Variants in GIPC2 observed in about 807,000 individuals in gnomAD.
GIPC2 encodes the protein PDZ domain-containing protein GIPC2.
In GIPC2, 30 loss-of-function variants were observed where a neutral mutation model predicts 30.6. The ratio of observed to expected loss-of-function variants is 0.98; its 90% confidence interval spans 0.73 to 1.33. The LOEUF (loss-of-function observed/expected upper bound fraction) is 1.33. Among genes scored for constraint, GIPC2 ranks in the 40% most tolerant of loss-of-function variants. The pLI is 0.00. For missense variants in GIPC2, 414 were observed against 390.3 expected, an observed-to-expected ratio of 1.06 and a Z score of -0.51; for synonymous variants, 167 against 150.0, an observed-to-expected ratio of 1.11 and a Z score of -0.83.
At chr1:78,064,608 A>G (rs1661467021) in intron 1 of GIPC2, among the ~76,000 whole-genome samples, 1 of 152,152 alleles carries the variant, frequency 6.6e-6, no homozygotes, top group African/African-American at 2.4e-5. Context: ...AAGAGGGCGA[A>G]CAAGGAGAAA....
At chr1:78,130,270 T>A (rs1662868342) in intron 5 of GIPC2, among the ~76,000 whole-genome samples, 1 of 151,920 alleles carries the variant, frequency 6.6e-6, no homozygotes, top group African/African-American at 2.4e-5. Flanking sequence ...GGCCAGCTAA[T>A]TTTTTGTATT....
intron 3 of GIPC2, among the ~76,000 whole-genome samples, chr1:78,098,399 C>T (rs1662178220): frequency 6.6e-6 from 1 of 152,130 alleles, no homozygotes; most frequent in South Asian, 2.1e-4. Context: ...ACAATTTTGA[C>T]TATAATTACC....
intron 4 of GIPC2, among the ~76,000 whole-genome samples, chr1:78,122,676 G>A (rs522952): frequency 0.21 from 32,040 of 152,108 alleles, 3,867 homozygotes; most frequent in East Asian, 0.61. Context: ...CCCTTGACAC[G>A]TGGGGATTGC....
At chr1:78,068,361 T>C (rs1307924466) in intron 1 of GIPC2, among the ~76,000 whole-genome samples, 3 of 152,222 alleles carry the variant, frequency 2.0e-5, no homozygotes, top group African/African-American at 4.8e-5. Context: ...AAGCCCAGGA[T>C]TGGGGCATGT....
At chr1:78,096,321 C>T (rs970092032) in intron 3 of GIPC2, among the ~76,000 whole-genome samples, 1 of 152,162 alleles carries the variant, frequency 6.6e-6, no homozygotes, top group Non-Finnish European at 1.5e-5. Context: ...CCTAACTCCC[C>T]AGATAGCATG....
chr1:78,103,782 AGG>A (rs1395106107), intron 3 of GIPC2, among the ~76,000 whole-genome samples: 1 of 152,234 alleles, frequency 6.6e-6, no homozygotes, highest in Non-Finnish European at 1.5e-5. Context: ...AGAGAGTGAT[AGG>A]GATTGAGAGG....
rs924607097 is a variant in GIPC2 at position 78,114,175 on chromosome 1, C to T, written c.608-5218C>T. 3.3e-5 allele frequency among the ~76,000 whole-genome samples: 5 copies of T among 152,276 alleles called. 1 individual carries two copies. The highest frequency in any genetic ancestry group is 2.0e-4 in the Admixed American group (3 of 15,304). On this transcript the variant is annotated intron_variant, in intron 3 of 5. Coordinates refer to ENST00000370759, the MANE Select transcript of GIPC2 (RefSeq NM_017655.6). ...GTACACTCAACTGGGAGCCCTGGTG[C>T]ATCTAGCGAGTCAGCTAGCTAGCTG...
chr1:78,110,180 TAA>T (rs568123003), intron 3 of GIPC2, among the ~76,000 whole-genome samples: 22 of 135,096 alleles, frequency 1.6e-4, no homozygotes, highest in Admixed American at 2.2e-4. Context: ...AAACTTAAAG[TAA>T]AAAAAAAAAA....
intron 3 of GIPC2, among the ~76,000 whole-genome samples, chr1:78,102,135 T>G (rs1440199713): frequency 6.6e-6 from 1 of 152,214 alleles, no homozygotes; most frequent in African/African-American, 2.4e-5. Context: ...GAAACTTACC[T>G]CCTAAAGCAT....
chr1:78,073,658 G>A (rs898908841), intron 1 of GIPC2, among the ~76,000 whole-genome samples: 1 of 152,148 alleles, frequency 6.6e-6, no homozygotes, highest in African/African-American at 2.4e-5. Flanking sequence ...TTTAAGGAAG[G>A]CATTCAACAA....
chr1:78,074,104 CT>C (rs1661670527), intron 1 of GIPC2, among the ~76,000 whole-genome samples: 1 of 152,186 alleles, frequency 6.6e-6, no homozygotes, highest in Non-Finnish European at 1.5e-5. Context: ...GGAGCAAAAT[CT>C]GATACTTCAG....
intron 5 of GIPC2, among the ~76,000 whole-genome samples, chr1:78,131,269 C>T (rs898760863): frequency 3.3e-5 from 5 of 151,618 alleles, no homozygotes; most frequent in African/African-American, 1.2e-4. Flanking sequence ...TGCAGTGTGG[C>T]GCGATCTCGG....
chr1:78,061,595 G>A (rs1242931394), intron 1 of GIPC2, among the ~76,000 whole-genome samples: 1 of 151,694 alleles, frequency 6.6e-6, no homozygotes, highest in Non-Finnish European at 1.5e-5. Flanking sequence ...CTGCTTCCAG[G>A]GTTCAAGTGA....
At chr1:78,121,910 T>C (rs1475737344) in intron 4 of GIPC2, among the ~76,000 whole-genome samples, 1 of 152,186 alleles carries the variant, frequency 6.6e-6, no homozygotes, top group African/African-American at 2.4e-5. Context: ...CAGGAGAATG[T>C]CAGCTCTGCC....
Position 78,046,221 on chromosome 1 carries a change from GTCT to G in GIPC2, c.130_132del (p.Phe44del). The G allele has an allele frequency of 6.2e-7, 1 of 1,603,032 alleles. No individual in the cohort carries two copies. Among genetic ancestry groups the G allele is most frequent in the Non-Finnish European group, 8.5e-7 (1 of 1,175,872 alleles). Reference sequence around the variant, plus strand: ...GTCCCGGGCTCCCGCACGCAGGCTGGTCTTCCACGCGCAGCTGGCGCACGGTAG... The same window carrying G: ...GTCCCGGGCTCCCGCACGCAGGCTGGTCCACGCGCAGCTGGCGCACGGTAG... On this transcript the variant is annotated inframe_deletion, in exon 1 of 6. Transcript: ENST00000370759.
At chr1:78,107,533 A>T (rs1431103662) in intron 3 of GIPC2, among the ~76,000 whole-genome samples, 1 of 152,052 alleles carries the variant, frequency 6.6e-6, no homozygotes, top group Non-Finnish European at 1.5e-5. Context: ...TTATTTTAAA[A>T]AGGAAGGCTG....
rs545731041 is a variant in GIPC2, at chr1:78,052,040, C to G, written c.240+5706C>G. The stretch of plus-strand genomic sequence containing the variant: ...CCAAAATACTATGATGGGCTACGGG[C>G]TCTGTTACCTCTTCAGAATCGTTGT... On this transcript the variant is annotated intron_variant, in intron 1 of 5. Coordinates refer to ENST00000370759, the MANE Select transcript of GIPC2 (RefSeq NM_017655.6). 8.5e-5 allele frequency among the ~76,000 whole-genome samples: 13 copies of G among 152,296 alleles called. No individual in the cohort carries two copies. The South Asian group carries it at 1.7e-3, about 19-fold the overall frequency.
intron 3 of GIPC2, among the ~76,000 whole-genome samples, chr1:78,117,944 T>G (rs661844): frequency 0.22 from 32,997 of 151,790 alleles, 4,057 homozygotes; most frequent in East Asian, 0.61. Flanking sequence ...CTCTCTCTCT[T>G]TTCTTTTCTT....
intron 2 of GIPC2, among the ~76,000 whole-genome samples, chr1:78,086,497 T>C (rs1661929807): frequency 6.6e-6 from 1 of 152,188 alleles, no homozygotes; most frequent in Non-Finnish European, 1.5e-5. Context: ...TCTACCTCAA[T>C]GATCTGTCTA....
Sources: gnomAD v4.1 joint callset for allele counts (sites outside exome capture counted in the v4.1 genomes callset) on GRCh38, gnomAD v4.1.1 for gene constraint, MANE v1.5 for transcripts, NCBI Gene and HGNC (gene_info 2026-07-23, HGNC 2026-07-21) for gene names.